The following TVP23C variants were observed in gnomAD, a reference collection of about 807,000 sequenced individuals.
The protein encoded by TVP23C is trans-golgi network vesicle protein 23 homolog C.
Under a neutral mutation model 28.7 loss-of-function variants are expected in TVP23C, and 19 were observed. The ratio of observed to expected loss-of-function variants is 0.66; its 90% CI spans 0.46 to 0.97. The LOEUF (loss-of-function observed/expected upper bound fraction) is 0.97. Ranked by LOEUF, TVP23C falls within the 50% of genes least tolerant of loss-of-function variation. TVP23C has a pLI of 0.00. For synonymous variants in TVP23C, 68 were observed against 81.7 expected (o/e 0.83, Z 0.90); for missense variants, 186 against 241.3 (o/e 0.77, Z 1.52).
At chr17:15,532,419 G>T (rs1290800898), downstream of TVP23C, among the ~76,000 whole-genome samples, 1 of 152,078 alleles carries the variant, frequency 6.6e-6, no homozygotes, top group African/African-American at 2.4e-5. Flanking sequence ...ACCTATCTTG[G>T]GGGGACTCTA....
intron 5 of TVP23C, among the ~76,000 whole-genome samples, chr17:15,529,654 A>G (rs938013502): frequency 5.3e-5 from 8 of 152,152 alleles, no homozygotes; most frequent in East Asian, 1.9e-4. Flanking sequence ...GTTTGACATT[A>G]GCATAGTCAC....
intron 5 of TVP23C, among the ~76,000 whole-genome samples, chr17:15,505,012 A>G (rs556493944): frequency 1.3e-5 from 2 of 152,322 alleles, no homozygotes; most frequent in South Asian, 4.1e-4. Context: ...AGCATCATGC[A>G]CAGCCCAGGC....
At position 15,545,801 on chromosome 17, in the gene TVP23C, AAGG is replaced by A. The variant is rs1483707610; in HGVS notation, c.443_445del (p.Ser148del). On this transcript the variant is annotated inframe_deletion, in exon 5 of 6. Coordinates refer to ENST00000518321, the MANE Select transcript of TVP23C (RefSeq NM_001135036.2). ...GATACTCACCAGCCACTTTACTGTG[AAGG>A]AGAAGAGTGCACTAAAGGCAAATAT... The A allele has an allele frequency of 6.2e-7, 1 of 1,613,560 alleles. No individual in the cohort carries two copies. The highest frequency in any genetic ancestry group is 8.5e-7 in the Non-Finnish European group (1 of 1,179,858).
At chr17:15,532,190 TC>T (rs1219962854), downstream of TVP23C, among the ~76,000 whole-genome samples, 1 of 152,226 alleles carries the variant, frequency 6.6e-6, no homozygotes, top group East Asian at 1.9e-4. Context: ...CTGGCCAGTC[TC>T]ATTTGTCCCA....
At chr17:15,541,757 A>C (rs1418328702) in intron 5 of TVP23C, among the ~76,000 whole-genome samples, 1 of 152,130 alleles carries the variant, frequency 6.6e-6, no homozygotes, top group Admixed American at 6.5e-5. Flanking sequence ...GTGTAATAAG[A>C]GGGTGCTAGT....
At position 15,503,223 on chromosome 17, in the gene TVP23C, G is replaced by C. The variant is rs201183359; in HGVS notation, c.472C>G (p.Arg158Gly). 3.3e-6 allele frequency: 5 copies of C among 1,513,706 alleles called. No homozygotes were observed. The South Asian group carries it at 3.8e-5, about 11-fold the overall frequency. The allele number at this position is 1,513,706 out of a possible 1,614,324, so 93.8% of individuals were successfully genotyped here. ...TTCAGACCAGTCTGGGCAATGTGGC[G>C]AGACCGTCTCTACAAAAAATAAAAT... The change falls in exon 6 of 6, where the codon CGC (arginine) becomes GGC (glycine). Residue 158 changes from arginine (R) to glycine (G), a missense_variant. Transcript: ENST00000225576.
intron 5 of TVP23C, among the ~76,000 whole-genome samples, chr17:15,531,807 T>C (rs1411651406): frequency 2.0e-5 from 3 of 152,252 alleles, no homozygotes; most frequent in Admixed American, 2.0e-4. Flanking sequence ...GCGGCTGTAA[T>C]TGCTGTTTCT....
At chr17:15,561,815 C>T (rs1314574541) in intron 1 of TVP23C, among the ~76,000 whole-genome samples, 1 of 152,132 alleles carries the variant, frequency 6.6e-6, no homozygotes, top group Non-Finnish European at 1.5e-5. Context: ...CATTCCCAGA[C>T]AGGGCATTCT....
chr17:15,507,092 C>T, intron 5 of TVP23C: 1 of 1,084,558 alleles, frequency 9.2e-7, no homozygotes, highest in Non-Finnish European at 1.4e-6. Flanking sequence ...ACTGGTGCCT[C>T]TACGGGGAGA....
chr17:15,541,796 T>C (rs1486744883), intron 5 of TVP23C, among the ~76,000 whole-genome samples: 1 of 152,168 alleles, frequency 6.6e-6, no homozygotes, highest in Non-Finnish European at 1.5e-5. Context: ...ACTGTGTATT[T>C]ATTTGAATAA....
downstream of TVP23C, among the ~76,000 whole-genome samples, chr17:15,534,602 CA>C (rs1983079457): frequency 6.7e-6 from 1 of 148,722 alleles, no homozygotes; most frequent in African/African-American, 2.5e-5. Context: ...CACACACACA[CA>C]CACACACACC....
intron 2 of TVP23C, among the ~76,000 whole-genome samples, chr17:15,554,270 C>T (rs1984028785): frequency 1.4e-5 from 2 of 143,884 alleles, no homozygotes; most frequent in Admixed American, 1.4e-4. Context: ...CGGAGTCTCG[C>T]TCCGTCGCCC....
rs370808521 is a variant in TVP23C at position 15,548,166 on chromosome 17, G to C, written c.241-1018C>G. Among the ~76,000 whole-genome samples, 16 of 151,974 alleles carry C rather than the reference G, an allele frequency of 1.1e-4. No individual in the cohort carries two copies. The East Asian group carries it at 3.1e-3, about 29-fold the overall frequency. On this transcript the variant is annotated intron_variant, in intron 3 of 5. Coordinates refer to ENST00000518321, the MANE Select transcript of TVP23C (RefSeq NM_001135036.2). ...ATATTGTAGTTTTGTTTTTTGTTTG[G>C]TTTTGTTTTTTGTTTTTGAGACAGA...
At chr17:15,513,833 T>C (rs1383898423) in intron 5 of TVP23C, among the ~76,000 whole-genome samples, 2 of 152,266 alleles carry the variant, frequency 1.3e-5, no homozygotes, top group South Asian at 2.1e-4. Flanking sequence ...CTAATTCACA[T>C]TAAAATAACA....
intron 3 of TVP23C, among the ~76,000 whole-genome samples, chr17:15,551,499 C>G (rs1016901337): frequency 1.3e-4 from 20 of 152,060 alleles, no homozygotes; most frequent in African/African-American, 4.8e-4. Flanking sequence ...TAAGCTTTAG[C>G]ATTTAAGCAT....
chr17:15,505,832 G>A (rs909468767), intron 5 of TVP23C, among the ~76,000 whole-genome samples: 1 of 152,220 alleles, frequency 6.6e-6, no homozygotes, highest in Non-Finnish European at 1.5e-5. Flanking sequence ...GAGCACCCGG[G>A]CCAGCGGCTG....
chr17:15,502,821 T>A, exon 6 of TVP23C: 3 of 1,525,176 alleles, frequency 2.0e-6, no homozygotes, highest in Non-Finnish European at 2.6e-6. Context: ...TCTCTCTCTC[T>A]CTCTCTCTCT....
chr17:15,561,851 G>A (rs1446576943), intron 1 of TVP23C, among the ~76,000 whole-genome samples: 1 of 152,254 alleles, frequency 6.6e-6, no homozygotes, highest in East Asian at 1.9e-4. Context: ...ATGTGAGGTC[G>A]GCACAAAATA....
intron 5 of TVP23C, among the ~76,000 whole-genome samples, chr17:15,512,463 A>T (rs1982040168): frequency 6.6e-6 from 1 of 152,160 alleles, no homozygotes; most frequent in African/African-American, 2.4e-5. Flanking sequence ...TACAGGGGGA[A>T]TTCACCAATA....
Sources: gnomAD v4.1 joint callset for allele counts (sites outside exome capture counted in the v4.1 genomes callset) on GRCh38, gnomAD v4.1.1 for gene constraint, MANE v1.5 for transcripts, NCBI Gene and HGNC (gene_info 2026-07-23, HGNC 2026-07-21) for gene names.